LEKR1: variants seen among roughly 807,000 people sequenced by gnomAD.
The protein encoded by LEKR1 is leucine, glutamate and lysine rich 1, also known as protein LEKR1.
In LEKR1, 59 loss-of-function variants were observed where a neutral mutation model predicts 72.4. That is an observed-to-expected ratio of 0.82 (90% CI 0.66 to 1.01). The LOEUF (loss-of-function observed/expected upper bound fraction) is 1.01, where lower values mean the gene tolerates loss of function less well. LEKR1 is among the 50% of genes least tolerant of loss of function. LEKR1 has a pLI of 0.00. For synonymous variants in LEKR1, 257 were observed against 263.2 expected (o/e 0.98, Z 0.23); for missense variants, 728 against 759.2 (o/e 0.96, Z 0.48).
intron 3 of LEKR1, among the ~76,000 whole-genome samples, chr3:156,883,293 C>G (rs987398842): frequency 6.6e-6 from 1 of 152,152 alleles, no homozygotes; most frequent in African/African-American, 2.4e-5. Context: ...GCCTGCACCC[C>G]CATTGTATCT....
At chr3:157,027,023 T>C (rs1734234813) in intron 11 of LEKR1, among the ~76,000 whole-genome samples, 1 of 152,242 alleles carries the variant, frequency 6.6e-6, no homozygotes, top group Non-Finnish European at 1.5e-5. Context: ...TAGCCACATG[T>C]GGCTGCAAAA....
rs2108533208 is a variant in LEKR1, at chr3:156,843,104, A to G, written c.49-9664A>G. Among the ~76,000 whole-genome samples, 4 of 152,354 alleles carry G rather than the reference A, an allele frequency of 2.6e-5. No individual in the cohort carries two copies. In the South Asian group the frequency reaches 8.3e-4, roughly 32 times the overall value. ...TAGCATTTTCATCAAGTATTCTGAAAGCAGAATATACTTGAAATTATAGTA... is the reference window on the plus strand; with the variant it reads ...TAGCATTTTCATCAAGTATTCTGAAGGCAGAATATACTTGAAATTATAGTA... On this transcript the variant is annotated intron_variant, in intron 2 of 12. Transcript: ENST00000356539.
At chr3:157,018,840 A>G (rs1009359528) in intron 10 of LEKR1, among the ~76,000 whole-genome samples, 38 of 152,306 alleles carry the variant, frequency 2.5e-4, no homozygotes, top group African/African-American at 6.5e-4. Flanking sequence ...AGTGTCCTAT[A>G]CCATACCACC....
At chr3:157,020,602 A>G (rs1296732592) in intron 10 of LEKR1, among the ~76,000 whole-genome samples, 2 of 151,620 alleles carry the variant, frequency 1.3e-5, no homozygotes, top group East Asian at 1.9e-4. Context: ...TACAAAGGAC[A>G]TGAACTCATC....
chr3:156,999,666 T>G (rs1731861785), intron 9 of LEKR1, among the ~76,000 whole-genome samples: 1 of 152,288 alleles, frequency 6.6e-6, no homozygotes, highest in African/African-American at 2.4e-5. Context: ...TTGCCATCTC[T>G]CCTTACCAAG....
At chr3:156,986,662 G>A (rs186475134) in intron 7 of LEKR1, among the ~76,000 whole-genome samples, 1 of 152,324 alleles carries the variant, frequency 6.6e-6, no homozygotes, top group Non-Finnish European at 1.5e-5. Flanking sequence ...TCAAATCCCA[G>A]CACTACAACT....
chr3:156,889,445 G>A (rs73168684), intron 3 of LEKR1, among the ~76,000 whole-genome samples: 111 of 152,222 alleles, frequency 7.3e-4, no homozygotes, highest in South Asian at 6.0e-3. Context: ...AAGTGGTCTG[G>A]CAAGCATTTG....
At chr3:157,007,231 C>T (rs1335949542) in intron 9 of LEKR1, among the ~76,000 whole-genome samples, 1 of 151,868 alleles carries the variant, frequency 6.6e-6, no homozygotes, top group Non-Finnish European at 1.5e-5. Flanking sequence ...AATAAATAAA[C>T]AAACAAAGAG....
chr3:156,975,644 C>T (rs1371266871), intron 6 of LEKR1, among the ~76,000 whole-genome samples: 5 of 152,120 alleles, frequency 3.3e-5, no homozygotes, highest in Non-Finnish European at 7.4e-5. Context: ...CTGATTATCC[C>T]AAATCTGATG....
chr3:156,852,133 G>T (rs1419644266), intron 2 of LEKR1: 1 of 152,152 alleles, frequency 6.6e-6, no homozygotes, highest in Non-Finnish European at 1.5e-5. Context: ...CCGCATATCA[G>T]CTGGTTATTT....
chr3:157,024,614 C>T lies in LEKR1; in HGVS notation c.1204-146C>T. On this transcript the variant is annotated intron_variant, in intron 10 of 12. Transcript: ENST00000356539. The stretch of plus-strand genomic sequence containing the variant: ...TTTCTGGCCCAAGTTCTAAGTCACA[C>T]TTTTTTTTGAACACTAGAATTTTTA... 5 of 677,720 alleles carry T rather than the reference C, an allele frequency of 7.4e-6. No individual in the cohort carries two copies. In the South Asian group the frequency reaches 1.2e-4, roughly 16 times the overall value. 42.0% of individuals were successfully genotyped at this position (677,720 alleles called of 1,614,324 possible).
At position 156,829,293 on chromosome 3, in the gene LEKR1, T is replaced by G; in HGVS notation, c.-37T>G. 1 of 1,368,490 alleles carries G rather than the reference T, an allele frequency of 7.3e-7. No individual in the cohort carries two copies. Among genetic ancestry groups the G allele is most frequent in the African/African-American group, 1.4e-5 (1 of 69,678 alleles). The allele number at this position is 1,368,490 out of a possible 1,614,324, so 84.8% of individuals were successfully genotyped here. A position where few individuals can be genotyped will look rare whatever the true frequency, so the allele number is the denominator to read the frequency against. ...TGCCATCAATGTTCTTAGATTTCCT[T>G]TGGCTTCAAAGCTCTCTCACCATAT... On this transcript the variant is annotated 5_prime_UTR_variant, in exon 2 of 13. Coordinates refer to ENST00000356539, the MANE Select transcript of LEKR1 (RefSeq NM_001004316.3).
intron 5 of LEKR1, among the ~76,000 whole-genome samples, chr3:156,939,246 T>A (rs1419098175): frequency 1.3e-5 from 2 of 152,010 alleles, no homozygotes; most frequent in Non-Finnish European, 2.9e-5. Context: ...GAAGAAGAAA[T>A]CTGTACACAG....
chr3:157,021,945 C>T (rs1270298559), intron 10 of LEKR1, among the ~76,000 whole-genome samples: 2 of 151,714 alleles, frequency 1.3e-5, no homozygotes, highest in African/African-American at 4.8e-5. Context: ...CCAATTTTTC[C>T]AAATGTATTA....
In LEKR1 at chr3:156,920,629, AAAG is replaced by A; in HGVS notation, c.321_323del (p.Lys108del). 1 of 1,462,796 alleles carries A rather than the reference AAAG, an allele frequency of 6.8e-7. No individual in the cohort carries two copies. The highest frequency in any genetic ancestry group is 9.2e-7 in the Non-Finnish European group (1 of 1,085,798). The allele number at this position is 1,462,796 out of a possible 1,614,324, so 90.6% of individuals were successfully genotyped here. A position where few individuals can be genotyped will look rare whatever the true frequency, so the allele number is the denominator to read the frequency against. ...GTCAACAAAATGAATTTCAGAAAGT[AAAG>A]AAACAACTGAGTCATTTGCAAGATG... On this transcript the variant is annotated inframe_deletion, in exon 4 of 13. Coordinates refer to ENST00000356539, the MANE Select transcript of LEKR1 (RefSeq NM_001004316.3).
chr3:156,830,160 T>C (rs1011599724), intron 2 of LEKR1, among the ~76,000 whole-genome samples: 2 of 152,228 alleles, frequency 1.3e-5, no homozygotes, highest in African/African-American at 4.8e-5. Flanking sequence ...AATGTAATAA[T>C]TTTGTAGCTA....
At chr3:156,992,934 C>A (rs2108009682) in intron 8 of LEKR1, 140 bp from the exon 9 acceptor site, 2 of 514,802 alleles carry the variant, frequency 3.9e-6, no homozygotes, top group South Asian at 4.8e-5. Flanking sequence ...ATTATAGAAC[C>A]ATTCTTTTTT....
intron 11 of LEKR1, among the ~76,000 whole-genome samples, chr3:157,026,062 A>G (rs1259107303): frequency 2.0e-5 from 3 of 151,130 alleles, no homozygotes; most frequent in Non-Finnish European, 4.4e-5. Flanking sequence ...AAAGAAAAAA[A>G]AAAATCTTAG....
At chr3:156,963,747 A>G (rs957568650) in intron 6 of LEKR1, among the ~76,000 whole-genome samples, 2 of 152,166 alleles carry the variant, frequency 1.3e-5, no homozygotes, top group African/African-American at 4.8e-5. Context: ...CCAGTTTACA[A>G]ATGAAATTAC....
Sources: gnomAD v4.1 joint callset for allele counts (sites outside exome capture counted in the v4.1 genomes callset) on GRCh38, gnomAD v4.1.1 for gene constraint, MANE v1.5 for transcripts, NCBI Gene and HGNC (gene_info 2026-07-23, HGNC 2026-07-21) for gene names.